Variants in FSIP1 observed in about 807,000 individuals in gnomAD.
The protein encoded by FSIP1 is fibrous sheath-interacting protein 1.
In FSIP1, 65 loss-of-function variants were observed where a neutral mutation model predicts 60.9. That is an observed-to-expected ratio of 1.07 (90% CI 0.87 to 1.31). FSIP1 has a LOEUF of 1.31. Among genes scored for constraint, FSIP1 ranks in the 40% most tolerant of loss-of-function variants. The probability of loss-of-function intolerance (pLI) is 0.00; values close to 1 mark genes in which losing one functional copy is unlikely to be tolerated. For synonymous variants in FSIP1, 209 were observed against 221.2 expected (o/e 0.94, Z 0.49); for missense variants, 675 against 665.5 (o/e 1.01, Z -0.16).
intron 10 of FSIP1, among the ~76,000 whole-genome samples, chr15:39,698,582 G>C (rs1489347890): frequency 1.3e-5 from 2 of 152,152 alleles, no homozygotes; most frequent in East Asian, 3.8e-4. Flanking sequence ...ACTTTAATCT[G>C]AGCACTCTGC....
intron 10 of FSIP1, among the ~76,000 whole-genome samples, chr15:39,699,011 C>T (rs1595628910): frequency 6.6e-6 from 1 of 152,196 alleles, no homozygotes; most frequent in Admixed American, 6.5e-5. Flanking sequence ...CTCTGTCTTT[C>T]CGACCTGCCC....
At chr15:39,658,931 TAAACA>T (rs1372389043) in intron 10 of FSIP1, among the ~76,000 whole-genome samples, 3 of 152,156 alleles carry the variant, frequency 2.0e-5, no homozygotes, top group Non-Finnish European at 4.4e-5. Context: ...GACTAATGAG[TAAACA>T]AAATGTGGTA....
chr15:39,765,100 A>C (rs1897634582), intron 4 of FSIP1, among the ~76,000 whole-genome samples: 1 of 152,174 alleles, frequency 6.6e-6, no homozygotes, highest in Non-Finnish European at 1.5e-5. Flanking sequence ...CTCAGGTTCC[A>C]GAAAAATATC....
At chr15:39,767,841 A>G (rs191592640) in intron 3 of FSIP1, among the ~76,000 whole-genome samples, 3 of 152,298 alleles carry the variant, frequency 2.0e-5, no homozygotes, top group Admixed American at 2.0e-4. Flanking sequence ...AGCTACCTCT[A>G]CCACTCAATA....
intron 10 of FSIP1, among the ~76,000 whole-genome samples, chr15:39,674,485 C>T (rs999812897): frequency 6.6e-6 from 1 of 152,052 alleles, no homozygotes; most frequent in Non-Finnish European, 1.5e-5. Context: ...GACCTGCACC[C>T]TATCAGATAT....
intron 10 of FSIP1, among the ~76,000 whole-genome samples, chr15:39,696,860 G>A (rs4085744): frequency 0.15 from 21,591 of 140,256 alleles, 1,967 homozygotes; most frequent in African/African-American, 0.2. Flanking sequence ...GGAGGAGGGG[G>A]AAGGGGTGTC....
intron 2 of FSIP1, among the ~76,000 whole-genome samples, chr15:39,773,744 G>A (rs1264186486): frequency 6.6e-6 from 1 of 152,138 alleles, no homozygotes; most frequent in East Asian, 1.9e-4. Context: ...AGTATGCTAG[G>A]AGATAAAAGC....
At chr15:39,617,381 A>C (rs1037617239) in intron 11 of FSIP1, among the ~76,000 whole-genome samples, 5 of 152,194 alleles carry the variant, frequency 3.3e-5, no homozygotes, top group Admixed American at 2.0e-4. Context: ...CCTTAGAACA[A>C]ATTTTCATCA....
At chr15:39,776,617 A>C in intron 1 of FSIP1, 86 bp from the exon 2 acceptor site, 1 of 1,215,696 alleles carries the variant, frequency 8.2e-7, no homozygotes, top group Non-Finnish European at 1.2e-6. Flanking sequence ...AATTACTCAG[A>C]GGCTTTGTTT....
At position 39,659,623 on chromosome 15, in the gene FSIP1, ATT is replaced by A. The variant is rs201732547; in HGVS notation, c.1189-41380_1189-41379del. Reference sequence around the variant, plus strand: ...TGAATTATATCTCAATAAAGCTGTTATTTTAAAAAAAAAAAAAAAAAGCAATG... The same window carrying A: ...TGAATTATATCTCAATAAAGCTGTTATTAAAAAAAAAAAAAAAAAGCAATG... On this transcript the variant is annotated intron_variant, in intron 10 of 11. Transcript: ENST00000350221. 7.4e-3 allele frequency among the ~76,000 whole-genome samples: 302 copies of A among 40,748 alleles called. 1 individual carries two copies. The highest frequency in any genetic ancestry group is 0.014 in the Non-Finnish European group (188 of 13,690). The allele number at this position is 40,748 out of a possible 152,430, so 26.7% of individuals were successfully genotyped here. A position where few individuals can be genotyped will look rare whatever the true frequency, so the allele number is the denominator to read the frequency against.
At chr15:39,724,494 T>C (rs142088249) in intron 9 of FSIP1, among the ~76,000 whole-genome samples, 18,063 of 152,054 alleles carry the variant, frequency 0.12, 1,298 homozygotes, top group African/African-American at 0.2. Flanking sequence ...CCTCGTGATC[T>C]ACACGCCTCA....
At chr15:39,651,596 A>T (rs1260641212) in intron 10 of FSIP1, among the ~76,000 whole-genome samples, 1 of 152,238 alleles carries the variant, frequency 6.6e-6, no homozygotes, top group African/African-American at 2.4e-5. Context: ...AAAATAATGT[A>T]TTCAAAACAC....
chr15:39,779,591 GT>G (rs767208906), intron 1 of FSIP1, among the ~76,000 whole-genome samples: 1 of 152,092 alleles, frequency 6.6e-6, no homozygotes, highest in Non-Finnish European at 1.5e-5. Flanking sequence ...GGACTAATGT[GT>G]TTTTCACCAG....
At chr15:39,676,039 A>C (rs1893924757) in intron 10 of FSIP1, among the ~76,000 whole-genome samples, 1 of 151,100 alleles carries the variant, frequency 6.6e-6, no homozygotes, top group Non-Finnish European at 1.5e-5. Context: ...CGTGCGTGGC[A>C]GTGTGTGCCT....
chr15:39,619,078 T>C (rs1011500676), intron 10 of FSIP1, among the ~76,000 whole-genome samples: 4 of 152,188 alleles, frequency 2.6e-5, no homozygotes, highest in African/African-American at 9.6e-5. Flanking sequence ...GAAAACTTAA[T>C]CATGAATTTC....
chr15:39,730,789 G>C (rs1163945025), intron 8 of FSIP1, among the ~76,000 whole-genome samples: 1 of 151,960 alleles, frequency 6.6e-6, no homozygotes, highest in African/African-American at 2.4e-5. Context: ...TGATTAACAG[G>C]GACAGTGATG....
intron 10 of FSIP1, among the ~76,000 whole-genome samples, chr15:39,628,536 G>A (rs570026914): frequency 6.6e-6 from 1 of 152,280 alleles, no homozygotes; most frequent in African/African-American, 2.4e-5. Context: ...GCACATGTGT[G>A]ACATTCCTTC....
At chr15:39,712,169 G>T (rs1566896491) in intron 10 of FSIP1, among the ~76,000 whole-genome samples, 2 of 151,918 alleles carry the variant, frequency 1.3e-5, no homozygotes, top group African/African-American at 4.8e-5. Flanking sequence ...CTCTCATTAG[G>T]GGGCCTGAGC....
chr15:39,778,153 T>TGTCC (rs1898124191), intron 1 of FSIP1, among the ~76,000 whole-genome samples: 3 of 152,164 alleles, frequency 2.0e-5, no homozygotes, highest in Non-Finnish European at 4.4e-5. Context: ...GGATGATGGA[T>TGTCC]CACCCTGGCC....
Sources: allele counts gnomAD v4.1 joint callset (sites outside exome capture counted in the v4.1 genomes callset), GRCh38; gene constraint gnomAD v4.1.1; transcripts MANE v1.5; gene names NCBI Gene and HGNC (gene_info 2026-07-23, HGNC 2026-07-21).